The following CERS3 variants were observed in gnomAD, a reference collection of about 807,000 sequenced individuals.
CERS3 encodes ceramide synthase 3, also known as LAG1 homolog, ceramide synthase 3.
CERS3 carries 33 observed loss-of-function variants against 50.3 expected under a neutral mutation model. That is an observed-to-expected ratio of 0.66 (90% CI 0.50 to 0.88). The LOEUF is 0.88. Ranked by LOEUF, CERS3 falls within the 40% of genes least tolerant of loss-of-function variation. The pLI, the probability that CERS3 is intolerant of heterozygous loss-of-function variation, is 0.00. For synonymous variants in CERS3, 176 were observed against 155.2 expected, an observed-to-expected ratio of 1.13 and a Z score of -0.99; for missense variants, 470 against 460.3, an observed-to-expected ratio of 1.02 and a Z score of -0.19.
chr15:100,543,800 G>T (rs959230978), intron 1 of CERS3, among the ~76,000 whole-genome samples: 2 of 152,198 alleles, frequency 1.3e-5, no homozygotes, highest in Admixed American at 6.5e-5. Context: ...AAAGTGCTGG[G>T]ATTACAGGCG....
At chr15:100,497,908 T>G (rs1362465690) in intron 3 of CERS3, among the ~76,000 whole-genome samples, 1 of 148,686 alleles carries the variant, frequency 6.7e-6, no homozygotes, top group Admixed American at 6.7e-5. Context: ...TTTTTTTTTT[T>G]TTTTGAGATG....
At chr15:100,439,365 T>A (rs565935108) in intron 11 of CERS3, among the ~76,000 whole-genome samples, 6 of 152,330 alleles carry the variant, frequency 3.9e-5, no homozygotes, top group Admixed American at 1.3e-4. Flanking sequence ...ATTTTGTAAC[T>A]TGCTACCCAA....
intron 1 of CERS3, among the ~76,000 whole-genome samples, chr15:100,527,995 C>T (rs1384466035): frequency 1.3e-5 from 2 of 152,160 alleles, no homozygotes; most frequent in Non-Finnish European, 2.9e-5. Context: ...TAAAGTCAAA[C>T]ACTCACTTAA....
chr15:100,507,792 T>C (rs1218537745), intron 2 of CERS3, among the ~76,000 whole-genome samples: 1 of 152,234 alleles, frequency 6.6e-6, no homozygotes, highest in African/African-American at 2.4e-5. Context: ...GAGCAGACAA[T>C]GCTATCCAGC....
intron 1 of CERS3, among the ~76,000 whole-genome samples, chr15:100,541,404 G>A (rs190529357): frequency 5.3e-5 from 8 of 152,212 alleles, no homozygotes; most frequent in Non-Finnish European, 7.4e-5. Flanking sequence ...CCCAGGAAGC[G>A]GAGGTTGCAG....
chr15:100,501,935 G>C (rs775918647), intron 2 of CERS3, 85 bp from the exon 3 acceptor site: 13 of 1,390,432 alleles, frequency 9.3e-6, no homozygotes, highest in Non-Finnish European at 1.1e-5. Context: ...CAAAATGCCA[G>C]ATCCAGAGAG....
intron 11 of CERS3, among the ~76,000 whole-genome samples, chr15:100,447,773 G>A (rs1009670625): frequency 2.0e-5 from 3 of 152,282 alleles, no homozygotes; most frequent in Middle Eastern, 3.4e-3. Flanking sequence ...CATTCTGTAT[G>A]CTATAGTTAG....
At chr15:100,414,951 A>G (rs1197092772) in intron 11 of CERS3, among the ~76,000 whole-genome samples, 1 of 152,178 alleles carries the variant, frequency 6.6e-6, no homozygotes, top group Non-Finnish European at 1.5e-5. Flanking sequence ...TAATTAAACT[A>G]AAGAGCTTCT....
chr15:100,507,515 G>C lies in CERS3; in HGVS notation c.-1-5665C>G, dbSNP rs572239879. On this transcript the variant is annotated intron_variant, in intron 2 of 11. Coordinates refer to ENST00000679737, the MANE Select transcript of CERS3 (RefSeq NM_001378789.1). ...ATGGCCTCACCATGGCTGCTCTCAGGCCACAGCCTGTGATAATCCACAGCC... is the reference window on the plus strand; with the variant it reads ...ATGGCCTCACCATGGCTGCTCTCAGCCCACAGCCTGTGATAATCCACAGCC... 1.1e-4 allele frequency among the ~76,000 whole-genome samples: 17 copies of C among 152,332 alleles called. No individual in the cohort carries two copies. The South Asian group carries it at 3.1e-3, about 28-fold the overall frequency.
At chr15:100,425,422 G>A (rs546193737) in intron 11 of CERS3, among the ~76,000 whole-genome samples, 27 of 152,284 alleles carry the variant, frequency 1.8e-4, no homozygotes, top group South Asian at 4.1e-4. Flanking sequence ...TATCAGTGTC[G>A]TCTGAATGTG....
chr15:100,401,988 G>A lies in CERS3; in HGVS notation c.*725C>T, dbSNP rs1213844008. 1 of 152,212 alleles carries A rather than the reference G, an allele frequency of 6.6e-6. No homozygotes were observed. The highest frequency in any genetic ancestry group is 2.4e-5 in the African/African-American group (1 of 41,438). 9.4% of individuals were successfully genotyped at this position (152,212 alleles called of 1,614,324 possible). On this transcript the variant is annotated 3_prime_UTR_variant, in exon 12 of 12. Coordinates refer to ENST00000679737, the MANE Select transcript of CERS3 (RefSeq NM_001378789.1). ...ACCTTTCTTGGCACTTTCATTTCCA[G>A]GTATCTCCAGAGTCATTTAAGAGGA...
At chr15:100,543,279 T>A (rs142018388) in intron 1 of CERS3, among the ~76,000 whole-genome samples, 168 of 152,318 alleles carry the variant, frequency 1.1e-3, no homozygotes, top group African/African-American at 3.7e-3. Context: ...TGGTTCTCTG[T>A]TGGTTAATGC....
intron 3 of CERS3, among the ~76,000 whole-genome samples, chr15:100,492,212 A>T (rs1847322): frequency 0.86 from 130,688 of 152,232 alleles, 57,487 homozygotes; most frequent in East Asian, 0.99. Context: ...GTTTGTTACG[A>T]CTAGCTGGTT....
intron 2 of CERS3, among the ~76,000 whole-genome samples, chr15:100,507,434 C>T (rs907278123): frequency 6.6e-6 from 1 of 152,232 alleles, no homozygotes; most frequent in Non-Finnish European, 1.5e-5. Flanking sequence ...GACAGTCACT[C>T]TTCTCTAATC....
intron 2 of CERS3, among the ~76,000 whole-genome samples, chr15:100,502,267 A>AAAAAAAAAAAAAAAAAAAAAAAAAG (rs2036033219): frequency 2.7e-5 from 3 of 109,260 alleles, no homozygotes; most frequent in Admixed American, 1.2e-4. Context: ...AAAAAAAAAA[A>AAAAAAAAAAAAAAAAAAAAAAAAAG]AAAGAAAGAA....
chr15:100,519,691 A>G (rs2036587485), intron 2 of CERS3, among the ~76,000 whole-genome samples: 1 of 152,188 alleles, frequency 6.6e-6, no homozygotes, highest in African/African-American at 2.4e-5. Flanking sequence ...AATGTTACTC[A>G]TCTGCCATCT....
rs895510691 is a variant in CERS3 at position 100,400,950 on chromosome 15, C to G, written c.*1763G>C. ...AAAGCAAATGTTATACAGAGAAAAT[C>G]TGACCTTGTTTGTAACAATTTCTCA... On this transcript the variant is annotated 3_prime_UTR_variant, in exon 12 of 12. Transcript: ENST00000679737. 5 of 152,062 alleles carry G rather than the reference C, an allele frequency of 3.3e-5. No homozygotes were observed. The highest frequency in any genetic ancestry group is 1.3e-4 in the Admixed American group (2 of 15,264). 9.4% of individuals were successfully genotyped at this position (152,062 alleles called of 1,614,324 possible).
chr15:100,491,753 A>G (rs1255016305), intron 3 of CERS3, among the ~76,000 whole-genome samples: 3 of 152,024 alleles, frequency 2.0e-5, no homozygotes, highest in Non-Finnish European at 4.4e-5. Context: ...AAGTTTTAGT[A>G]TGGCATTTTC....
chr15:100,444,227 A>G (rs910462594), intron 11 of CERS3, among the ~76,000 whole-genome samples: 1 of 152,176 alleles, frequency 6.6e-6, no homozygotes, highest in South Asian at 2.1e-4. Context: ...TACAGCTCTC[A>G]TAACTTCCAA....
Sources: gnomAD v4.1 joint callset for allele counts (sites outside exome capture counted in the v4.1 genomes callset) on GRCh38, gnomAD v4.1.1 for gene constraint, MANE v1.5 for transcripts, NCBI Gene and HGNC (gene_info 2026-07-23, HGNC 2026-07-21) for gene names.